Variants in HAPSTR1 observed in about 807,000 individuals in gnomAD.
The protein encoded by HAPSTR1 is HUWE1 associated protein modifying stress responses.
the HAPSTR1 span, chr16:9,110,990 A>T: frequency 6.6e-6 from 1 of 152,620 alleles, no homozygotes; most frequent in African/African-American, 2.4e-5. Flanking sequence ...GTGAGCTGAG[A>T]TCGTGCCATT....
the HAPSTR1 span, chr16:9,105,450 C>T: frequency 6.6e-6 from 1 of 152,074 alleles, no homozygotes; most frequent in African/African-American, 2.4e-5. Context: ...TTGTGCTGTA[C>T]TGGTTTGTGA....
At chr16:9,092,015 T>C in the HAPSTR1 span, 1,091 of 1,475,160 alleles carry the variant, frequency 7.4e-4, no homozygotes, top group Non-Finnish European at 8.9e-4. Context: ...GCGGCGGCGG[T>C]GGCGGCGAGG....
At chr16:9,114,119 A>G in the HAPSTR1 span, among the ~76,000 whole-genome samples, 1 of 151,934 alleles carries the variant, frequency 6.6e-6, no homozygotes, top group Admixed American at 6.5e-5. Context: ...TTTTTGGTTT[A>G]TTTTGTTTTT....
the HAPSTR1 span, chr16:9,093,095 C>A: frequency 1.6e-6 from 2 of 1,227,028 alleles, no homozygotes; most frequent in Non-Finnish European, 2.3e-6. Context: ...TGCTCCCCAG[C>A]CCAGCTGCTA....
chr16:9,105,651 C>T, the HAPSTR1 span: 1 of 150,762 alleles, frequency 6.6e-6, no homozygotes, highest in Admixed American at 6.6e-5. Flanking sequence ...TTGGAAACAC[C>T]ATAGTTAGGG....
the HAPSTR1 span, chr16:9,108,028 A>G: frequency 1.3e-5 from 2 of 152,198 alleles, no homozygotes; most frequent in Admixed American, 6.5e-5. Context: ...AGATAGCTAC[A>G]ATCAGGGAAT....
chr16:9,092,770 G>GA, the HAPSTR1 span: 1 of 830,092 alleles, frequency 1.2e-6, no homozygotes, highest in South Asian at 1.8e-5. Context: ...CTGGGTTTGG[G>GA]ATCCCGAAAC....
chr16:9,097,102 G>C, the HAPSTR1 span, among the ~76,000 whole-genome samples: 1 of 152,014 alleles, frequency 6.6e-6, no homozygotes, highest in African/African-American at 2.4e-5. Flanking sequence ...ACCACACCAG[G>C]CTACTTTTTG....
the HAPSTR1 span, chr16:9,102,915 T>C: frequency 6.6e-7 from 1 of 1,508,696 alleles, no homozygotes; most frequent in South Asian, 1.3e-5. Flanking sequence ...TGTAAAATGG[T>C]TTTCTTTAGA....
the HAPSTR1 span, among the ~76,000 whole-genome samples, chr16:9,093,579 G>A: frequency 6.6e-6 from 1 of 152,200 alleles, no homozygotes; most frequent in Non-Finnish European, 1.5e-5. Flanking sequence ...ATGTTAACGT[G>A]CTGCTCTTCT....
chr16:9,093,162 A>G, the HAPSTR1 span, among the ~76,000 whole-genome samples: 6 of 151,998 alleles, frequency 3.9e-5, no homozygotes, highest in African/African-American at 1.4e-4. Context: ...GATCCACCGG[A>G]GGCGATTTTG....
At chr16:9,096,848 A>AGCCTGTAGTCCCAGCTACTCGGG in the HAPSTR1 span, among the ~76,000 whole-genome samples, 1 of 152,066 alleles carries the variant, frequency 6.6e-6, no homozygotes, top group Non-Finnish European at 1.5e-5. Context: ...ATTTTTTTTT[A>AGCCTGTAGTCCCAGCTACTCGGG]ATGAAAAAAT....
At chr16:9,102,502 T>C in the HAPSTR1 span, among the ~76,000 whole-genome samples, 2 of 152,336 alleles carry the variant, frequency 1.3e-5, no homozygotes, top group South Asian at 4.1e-4. Context: ...TTGGTTTTAG[T>C]GTTGAGCCAT....
the HAPSTR1 span, among the ~76,000 whole-genome samples, chr16:9,095,674 A>G: frequency 6.6e-6 from 1 of 151,394 alleles, no homozygotes; most frequent in Non-Finnish European, 1.5e-5. Flanking sequence ...GGTCGCTTTT[A>G]GTTGTCAGAG....
At chr16:9,114,250 T>C in the HAPSTR1 span, among the ~76,000 whole-genome samples, 2 of 152,064 alleles carry the variant, frequency 1.3e-5, no homozygotes, top group Non-Finnish European at 2.9e-5. Context: ...ATTAGTCTAG[T>C]TTTGGGAAAC....
the HAPSTR1 span, chr16:9,112,717 G>T: frequency 6.6e-6 from 1 of 152,216 alleles, no homozygotes; most frequent in African/African-American, 2.4e-5. Flanking sequence ...AATTTACTAT[G>T]TAACTTGGAT....
the HAPSTR1 span, among the ~76,000 whole-genome samples, chr16:9,101,801 G>A: frequency 6.7e-6 from 1 of 148,946 alleles, no homozygotes; most frequent in Non-Finnish European, 1.5e-5. Flanking sequence ...CCCATCCTTT[G>A]AGAGTCTGCT....
At chr16:9,103,077 G>A in the HAPSTR1 span, 2 of 1,614,106 alleles carry the variant, frequency 1.2e-6, no homozygotes, top group Non-Finnish European at 1.7e-6. Context: ...GTTAAAAAAC[G>A]CAGAAGAACT....
chr16:9,117,894 T>C, the HAPSTR1 span: 5 of 152,758 alleles, frequency 3.3e-5, no homozygotes, highest in South Asian at 2.1e-4. Context: ...AAAGCTCTCT[T>C]TTTTATCTAC....
Sources: gnomAD v4.1 joint callset for allele counts (sites outside exome capture counted in the v4.1 genomes callset) on GRCh38, gnomAD v4.1.1 for gene constraint, MANE v1.5 for transcripts, NCBI Gene and HGNC (gene_info 2026-07-23, HGNC 2026-07-21) for gene names.